ZNF468: variants seen among roughly 807,000 people sequenced by gnomAD.
ZNF468 encodes the protein zinc finger protein ZNF468.
ZNF468 carries 8 observed loss-of-function variants against 7.2 expected under a neutral mutation model. The ratio of observed to expected loss-of-function variants is 1.11; its 90% CI spans 0.65 to 2.01. ZNF468 has a LOEUF of 2.01. Among genes scored for constraint, ZNF468 ranks in the 30% most tolerant of loss-of-function variants. The pLI is 0.00. For synonymous variants in ZNF468, 218 were observed against 214.4 expected (o/e 1.02, Z -0.15); for missense variants, 608 against 626.5 (o/e 0.97, Z 0.31).
In ZNF468 at chr19:52,840,702, G is replaced by T. The variant is rs1190786251; in HGVS notation, c.*23C>A. The T allele has an allele frequency of 6.2e-7, 1 of 1,612,830 alleles. No homozygotes were observed. Among genetic ancestry groups the T allele is most frequent in the Non-Finnish European group, 8.5e-7 (1 of 1,179,220 alleles). On this transcript the variant is annotated 3_prime_UTR_variant, in exon 4 of 4. Transcript: ENST00000595646. ...TTACAGGGTTGAATTGTGATGGAAG[G>T]TCTTGCCACACTCATTACACTATTA...
chr19:52,841,792 T>A lies in ZNF468; in HGVS notation c.502A>T (p.Ile168Phe). 6.2e-7 allele frequency: 1 copy of A among 1,614,118 alleles called. No individual in the cohort carries two copies. Among genetic ancestry groups the A allele is most frequent in the Non-Finnish European group, 8.5e-7 (1 of 1,179,990 alleles). ...GTTGAAACTGAGGAAGCATTGTTGA[T>A]AGACTTCTCAACTTGATTACCAATT... ...GKIGNQVEKS[I>F]NNASSVSTSQ... The change falls in exon 4 of 4, where the codon ATC (isoleucine) becomes TTC (phenylalanine). Residue 168 changes from isoleucine to phenylalanine, a missense_variant. Ile to Phe is a conservative substitution (Grantham distance 21). Transcript: ENST00000595646.
Position 52,854,915 on chromosome 19 carries a change from G to A in ZNF468, c.-73-570C>T, listed in dbSNP as rs1365694490. Among the ~76,000 whole-genome samples, 7 of 152,150 alleles carry A rather than the reference G, an allele frequency of 4.6e-5. No homozygotes were observed. In the East Asian group the frequency reaches 5.8e-4, roughly 13 times the overall value. On this transcript the variant is annotated intron_variant, in intron 1 of 3. Transcript: ENST00000595646. The stretch of plus-strand genomic sequence containing the variant: ...TGGGTATCTCTAATCCCAGCTACTC[G>A]GGAGGCTGAGGTAGGAGAACTGCTT...
At chr19:52,847,348 A>G (rs1227307766) in intron 3 of ZNF468, among the ~76,000 whole-genome samples, 1 of 151,478 alleles carries the variant, frequency 6.6e-6, no homozygotes, top group Non-Finnish European at 1.5e-5. Context: ...CACTGCGGAA[A>G]GCCGCAGGGA....
intron 3 of ZNF468, among the ~76,000 whole-genome samples, chr19:52,842,731 G>A (rs1419219965): frequency 7.3e-6 from 1 of 137,006 alleles, no homozygotes; most frequent in Non-Finnish European, 1.5e-5. Context: ...CACAAGTATT[G>A]CATTAAGCTA....
chr19:52,844,727 T>C (rs1301996532), intron 3 of ZNF468, among the ~76,000 whole-genome samples: 1 of 152,070 alleles, frequency 6.6e-6, no homozygotes, highest in Non-Finnish European at 1.5e-5. Context: ...TTAGTAGAGA[T>C]GGGGTTTCAC....
At position 52,838,152 on chromosome 19, in the gene ZNF468, G is replaced by T. The variant is rs755584624; in HGVS notation, c.*2573C>A. 1.3e-5 allele frequency: 2 copies of T among 152,132 alleles called. No homozygotes were observed. The highest frequency in any genetic ancestry group is 2.4e-5 in the African/African-American group (1 of 41,416). The allele number at this position is 152,132 out of a possible 1,614,324, so 9.4% of individuals were successfully genotyped here. A position where few individuals can be genotyped will look rare whatever the true frequency, so the allele number is the denominator to read the frequency against. On this transcript the variant is annotated 3_prime_UTR_variant, in exon 4 of 4. Coordinates refer to ENST00000595646, the MANE Select transcript of ZNF468 (RefSeq NM_001008801.2). The stretch of plus-strand genomic sequence containing the variant: ...TATTCAAGAGGATATTAAAAGGATT[G>T]TAGATATGCAAGTGCCACTTATTTC...
Position 52,840,532 on chromosome 19 carries a change from A to C in ZNF468, c.*193T>G, listed in dbSNP as rs1600507729. The C allele has an allele frequency of 2.6e-6, 3 of 1,172,146 alleles. No homozygotes were observed. The highest frequency in any genetic ancestry group is 3.8e-6 in the Non-Finnish European group (3 of 799,092). 72.6% of individuals were successfully genotyped at this position (1,172,146 alleles called of 1,614,324 possible). On this transcript the variant is annotated 3_prime_UTR_variant, in exon 4 of 4. Coordinates refer to ENST00000595646, the MANE Select transcript of ZNF468 (RefSeq NM_001008801.2). ...GTTTTAAGGTTTGATTTACAACTGA[A>C]AACTTTTGTCACATTCCTCCCATTT...
chr19:52,847,061 G>A (rs1384428945), intron 3 of ZNF468, among the ~76,000 whole-genome samples: 1 of 152,044 alleles, frequency 6.6e-6, no homozygotes, highest in Non-Finnish European at 1.5e-5. Flanking sequence ...AAAGTGTGGG[G>A]AAAAGAGAGT....
rs571516459 is a variant in ZNF468, at chr19:52,840,199, G to A, written c.*526C>T. 1.3e-5 allele frequency: 5 copies of A among 380,816 alleles called. No homozygotes were observed. The highest frequency in any genetic ancestry group is 3.9e-5 in the Admixed American group (1 of 25,496). 23.6% of individuals were successfully genotyped at this position (380,816 alleles called of 1,614,324 possible). Reference sequence around the variant, plus strand: ...ATGAAAACTTTGTCACATTGTTCACGTTTGTAAGATTTCTATGCAGTATGA... The same window carrying A: ...ATGAAAACTTTGTCACATTGTTCACATTTGTAAGATTTCTATGCAGTATGA... On this transcript the variant is annotated 3_prime_UTR_variant, in exon 4 of 4. Transcript: ENST00000595646.
In ZNF468 at chr19:52,849,207, A is replaced by G. The variant is rs756318546; in HGVS notation, c.22T>C (p.Leu8=). MALPQGL[L]TFRDVAIEFS... ...TCTATGGCCACGTCCCTGAATGTCA[A>G]TAGACCCTGAAATGAAAACACATTT... is the stretch of plus-strand genomic sequence containing the variant. Residue 8 remains leucine (L), a synonymous_variant, in exon 3 of 4, where the codon TTG becomes CTG. Transcript: ENST00000595646. 1 of 1,613,734 alleles carries G rather than the reference A, an allele frequency of 6.2e-7. No homozygotes were observed. The highest frequency in any genetic ancestry group is 1.3e-5 in the African/African-American group (1 of 75,022).
chr19:52,840,554 A>G lies in ZNF468; in HGVS notation c.*171T>C. ...TGAAAACTTTTGTCACATTCCTCCC[A>G]TTTGTAAGGTTTCTCTCCAGTATGA... On this transcript the variant is annotated 3_prime_UTR_variant, in exon 4 of 4. Coordinates refer to ENST00000595646, the MANE Select transcript of ZNF468 (RefSeq NM_001008801.2). The G allele has an allele frequency of 7.6e-7, 1 of 1,310,650 alleles. No individual in the cohort carries two copies. Among genetic ancestry groups the G allele is most frequent in the Non-Finnish European group, 1.1e-6 (1 of 918,252 alleles). The allele number at this position is 1,310,650 out of a possible 1,614,324, so 81.2% of individuals were successfully genotyped here.
chr19:52,845,370 C>T (rs1220476413), intron 3 of ZNF468: 1 of 147,152 alleles, frequency 6.8e-6, no homozygotes, highest in Non-Finnish European at 1.5e-5. Flanking sequence ...ATATAAAGTT[C>T]TCCAGACAGG....
At position 52,841,187 on chromosome 19, in the gene ZNF468, G is replaced by A. The variant is rs1389882930; in HGVS notation, c.1107C>T (p.Thr369=). 1.2e-6 allele frequency: 2 copies of A among 1,613,184 alleles called. No homozygotes were observed. Among genetic ancestry groups the A allele is most frequent in the Admixed American group, 1.7e-5 (1 of 59,946 alleles). ...TATGAAGTCTATGATGGCGTGCAAGGGTTGATAGTCGATTAAAAACTTTGC... is the reference window on the plus strand; with the variant it reads ...TATGAAGTCTATGATGGCGTGCAAGAGTTGATAGTCGATTAAAAACTTTGC... ...ECGKVFNRLS[T]LARHHRLHTG... is the part of the protein sequence containing the mutation. Residue 369 remains threonine (T), a synonymous_variant, in exon 4 of 4, where the codon ACC becomes ACT. Transcript: ENST00000595646.
intron 2 of ZNF468, chr19:52,853,827 G>A: frequency 8.4e-7 from 1 of 1,194,786 alleles, no homozygotes. Flanking sequence ...TATAAAATCA[G>A]GGAGAAAAGA....
rs1568674577 is a variant in ZNF468 at position 52,841,604 on chromosome 19, T to A, written c.690A>T (p.Leu230Phe). ...SFKSFNCSSL[L>F]KKHQIIHLEE... Reference sequence around the variant, plus strand: ...CTAAGTGAATTATCTGATGTTTTTTTAAGAGTGAGCTGCAATTAAAGGATT... The same window carrying A: ...CTAAGTGAATTATCTGATGTTTTTTAAAGAGTGAGCTGCAATTAAAGGATT... Residue 230 changes from leucine (L) to phenylalanine (F), a missense_variant, in exon 4 of 4, where the codon TTA becomes TTT. Physicochemically the swap from Leu to Phe is conservative, Grantham distance 22. Transcript: ENST00000595646. 6.2e-7 allele frequency: 1 copy of A among 1,614,110 alleles called. No homozygotes were observed.
intron 3 of ZNF468, among the ~76,000 whole-genome samples, chr19:52,846,099 G>T (rs73069434): frequency 6.6e-6 from 1 of 151,958 alleles, no homozygotes; most frequent in East Asian, 1.9e-4. Context: ...CATATTATTT[G>T]AAATAAAAGG....
chr19:52,847,496 G>T (rs1199488321), intron 3 of ZNF468, among the ~76,000 whole-genome samples: 1 of 150,810 alleles, frequency 6.6e-6, no homozygotes, highest in Non-Finnish European at 1.5e-5. Flanking sequence ...GAGGAGTAGT[G>T]AAAGAGGGAG....
chr19:52,842,105 T>C lies in ZNF468; in HGVS notation c.189A>G (p.Gln63=). The C allele has an allele frequency of 6.2e-7, 1 of 1,603,332 alleles. No individual in the cohort carries two copies. The highest frequency in any genetic ancestry group is 8.5e-7 in the Non-Finnish European group (1 of 1,174,954). ...CMLKTLSSTG[Q]GNTEVIHTGT... is the part of the protein sequence containing the mutation. ...CTGTGTGGATCACTTCTGTATTGCC[T>C]TGCCCTGTTGACGACAACGTCTTCA... The change falls in exon 4 of 4, where the codon CAA becomes CAG. Residue 63 remains glutamine, a synonymous_variant. Transcript: ENST00000595646.
intron 3 of ZNF468, among the ~76,000 whole-genome samples, chr19:52,847,270 T>C (rs1336022904): frequency 6.6e-6 from 1 of 152,020 alleles, no homozygotes; most frequent in Non-Finnish European, 1.5e-5. Flanking sequence ...GTTAACAATA[T>C]GTTTGCAGGC....
Sources: gnomAD v4.1 joint callset for allele counts (sites outside exome capture counted in the v4.1 genomes callset) on GRCh38, gnomAD v4.1.1 for gene constraint, MANE v1.5 for transcripts, NCBI Gene and HGNC (gene_info 2026-07-23, HGNC 2026-07-21) for gene names.